The following FRMPD1 variants were observed in gnomAD, a reference collection of about 807,000 sequenced individuals.
FRMPD1 encodes FERM and PDZ domain containing 1, also known as FERM and PDZ domain-containing protein 1.
A neutral mutation model predicts 117.8 loss-of-function variants in FRMPD1; 76 were observed. That is an observed-to-expected ratio of 0.65 (90% confidence interval 0.54 to 0.78). The LOEUF (loss-of-function observed/expected upper bound fraction) is 0.78, where lower values mean the gene tolerates loss of function less well. FRMPD1 is among the 30% of genes least tolerant of loss of function. The probability of loss-of-function intolerance (pLI) is 0.00; values close to 1 mark genes in which losing one functional copy is unlikely to be tolerated. For missense variants in FRMPD1, 1,786 were observed against 1,964.5 expected (o/e 0.91, Z 1.72); for synonymous variants, 783 against 770.4 (o/e 1.02, Z -0.27).
intron 1 of FRMPD1, among the ~76,000 whole-genome samples, chr9:37,683,173 C>G (rs560856120): frequency 6.6e-6 from 1 of 152,330 alleles, no homozygotes; most frequent in South Asian, 2.1e-4. Flanking sequence ...TGGCTTCTTT[C>G]ACTTAGCATA....
intron 12 of FRMPD1, among the ~76,000 whole-genome samples, chr9:37,735,192 C>T (rs1824063502): frequency 6.6e-6 from 1 of 152,130 alleles, no homozygotes; most frequent in African/African-American, 2.4e-5. Context: ...TGAGATCAGG[C>T]AGATGCTTTC....
At chr9:37,621,525 A>T in the FRMPD1 span, among the ~76,000 whole-genome samples, 1 of 152,128 alleles carries the variant, frequency 6.6e-6, no homozygotes, top group African/African-American at 2.4e-5. Flanking sequence ...ACCTCACTTC[A>T]GCAGGACCAC....
Position 37,719,182 on chromosome 9 carries a change from T to TC in FRMPD1, c.516+7dup. ...TCATCAGTGGACACAGCCAGGTGTGTCACTAGTCAAGGGATTGAAATTATG... is the reference window on the plus strand; with the variant it reads ...TCATCAGTGGACACAGCCAGGTGTGTCCACTAGTCAAGGGATTGAAATTATG... On this transcript the variant is annotated splice_region_variant and intron_variant, in intron 6 of 15. Transcript: ENST00000377765. 2 of 1,557,098 alleles carry TC rather than the reference T, an allele frequency of 1.3e-6. No homozygotes were observed. The highest frequency in any genetic ancestry group is 1.8e-6 in the Non-Finnish European group (2 of 1,127,922).
chr9:37,739,632 A>C (rs1390263343), intron 14 of FRMPD1, among the ~76,000 whole-genome samples: 2 of 152,146 alleles, frequency 1.3e-5, no homozygotes, highest in Non-Finnish European at 1.5e-5. Context: ...ACTTCTAGCG[A>C]TCTGACTCAG....
chr9:37,745,402 G>C lies in FRMPD1; in HGVS notation c.3370G>C (p.Val1124Leu), dbSNP rs113193159. ...REVTNKNGTN[V>L]FQEESRKDSG... ...AGTTACAAACAAAAATGGCACCAAC[G>C]TATTTCAGGAGGAGTCTAGGAAGGA... is the stretch of plus-strand genomic sequence containing the variant. Residue 1124 changes from valine to leucine, a missense_variant, in exon 16 of 16, where the codon GTA becomes CTA. Transcript: ENST00000377765. The C allele has an allele frequency of 6.2e-7, 1 of 1,614,120 alleles. No homozygotes were observed. The highest frequency in any genetic ancestry group is 8.5e-7 in the Non-Finnish European group (1 of 1,179,962).
At chr9:37,718,850 G>C (rs139865807) in intron 5 of FRMPD1, among the ~76,000 whole-genome samples, 1 of 152,206 alleles carries the variant, frequency 6.6e-6, no homozygotes, top group African/African-American at 2.4e-5. Flanking sequence ...TTGCTACCAT[G>C]TTGAATGTCC....
intron 1 of FRMPD1, among the ~76,000 whole-genome samples, chr9:37,678,123 C>T (rs191273796): frequency 2.0e-5 from 3 of 152,238 alleles, no homozygotes; most frequent in Admixed American, 1.3e-4. Flanking sequence ...AAAGAAAGGG[C>T]AGAACCCTAG....
the FRMPD1 span, among the ~76,000 whole-genome samples, chr9:37,636,085 C>T: frequency 6.6e-6 from 1 of 152,182 alleles, no homozygotes; most frequent in African/African-American, 2.4e-5. Context: ...CCCGCCCAGC[C>T]GCCCTCGATA....
At chr9:37,663,499 A>C (rs893062954) in intron 1 of FRMPD1, among the ~76,000 whole-genome samples, 1 of 152,210 alleles carries the variant, frequency 6.6e-6, no homozygotes, top group Non-Finnish European at 1.5e-5. Context: ...TCTTCAATGC[A>C]CAAGGCTCTA....
At chr9:37,701,941 G>A (rs1438247573) in intron 2 of FRMPD1, among the ~76,000 whole-genome samples, 1 of 152,130 alleles carries the variant, frequency 6.6e-6, no homozygotes, top group Non-Finnish European at 1.5e-5. Context: ...ATCTTCTCGT[G>A]TTGTGAGTGA....
chr9:37,680,160 C>G (rs1174887228), intron 1 of FRMPD1, among the ~76,000 whole-genome samples: 1 of 152,130 alleles, frequency 6.6e-6, no homozygotes, highest in Non-Finnish European at 1.5e-5. Flanking sequence ...CCCTGTAGCT[C>G]TCGAAGGGCC....
Position 37,739,648 on chromosome 9 carries a change from CA to C in FRMPD1, c.1550-429del, listed in dbSNP as rs374893434. Among the ~76,000 whole-genome samples the C allele has an allele frequency of 2.6e-4, 39 of 152,258 alleles. No individual in the cohort carries two copies. In the East Asian group the frequency reaches 5.8e-3, roughly 23 times the overall value. On this transcript the variant is annotated intron_variant, in intron 14 of 15. Transcript: ENST00000377765. Reference sequence around the variant, plus strand: ...CTTCTAGCGATCTGACTCAGTACATCAGGGGTAGGGCCAAGGATCTGTTGTA... The same window carrying C: ...CTTCTAGCGATCTGACTCAGTACATCGGGGTAGGGCCAAGGATCTGTTGTA...
At chr9:37,732,990 C>T (rs1393620636) in intron 10 of FRMPD1, among the ~76,000 whole-genome samples, 2 of 152,070 alleles carry the variant, frequency 1.3e-5, no homozygotes, top group Admixed American at 1.3e-4. Context: ...TTGGCCCTAC[C>T]CCTGATGTAC....
chr9:37,626,622 GAAAAAAAAA>G, the FRMPD1 span, among the ~76,000 whole-genome samples: 1 of 48,650 alleles, frequency 2.1e-5, no homozygotes, highest in African/African-American at 9.3e-5. Context: ...CCTGGTATCT[GAAAAAAAAA>G]AAAAAAAAAA....
chr9:37,637,132 G>T, the FRMPD1 span: 4 of 1,607,024 alleles, frequency 2.5e-6, no homozygotes, highest in Middle Eastern at 3.3e-4. Context: ...TGATAGTTTT[G>T]CCATCCAGCT....
intron 14 of FRMPD1, among the ~76,000 whole-genome samples, chr9:37,739,708 G>A (rs914981926): frequency 1.3e-5 from 2 of 152,164 alleles, no homozygotes; most frequent in Admixed American, 6.5e-5. Context: ...TGACTTTGAC[G>A]CCCAGGCAGG....
upstream of FRMPD1, among the ~76,000 whole-genome samples, chr9:37,649,789 C>T (rs1820612020): frequency 6.6e-6 from 1 of 152,222 alleles, no homozygotes; most frequent in African/African-American, 2.4e-5. Flanking sequence ...GAACACGGTG[C>T]AAACTCCTTG....
the FRMPD1 span, among the ~76,000 whole-genome samples, chr9:37,642,660 CTATTCA>C: frequency 3.8e-4 from 58 of 152,280 alleles, no homozygotes; most frequent in African/African-American, 1.4e-3. Flanking sequence ...CTTCGGTAAG[CTATTCA>C]CATTGCCTGG....
At chr9:37,612,538 G>A in the FRMPD1 span, among the ~76,000 whole-genome samples, 1 of 52,896 alleles carries the variant, frequency 1.9e-5, no homozygotes, top group Non-Finnish European at 3.8e-5. Flanking sequence ...TTTTTTTTTT[G>A]AGACGGAGTC....
Sources: allele counts gnomAD v4.1 joint callset (sites outside exome capture counted in the v4.1 genomes callset), GRCh38; gene constraint gnomAD v4.1.1; transcripts MANE v1.5; gene names NCBI Gene and HGNC (gene_info 2026-07-23, HGNC 2026-07-21).